ALOX12: variants seen among roughly 807,000 people sequenced by gnomAD.
ALOX12 encodes the protein polyunsaturated fatty acid lipoxygenase ALOX12.
In ALOX12, 62 loss-of-function variants were observed where a neutral mutation model predicts 85.5. The ratio of observed to expected loss-of-function variants is 0.73; its 90% CI spans 0.59 to 0.90. The LOEUF (loss-of-function observed/expected upper bound fraction) is 0.90, where lower values mean the gene tolerates loss of function less well. Among genes scored for constraint, ALOX12 ranks in the 40% least tolerant of loss-of-function variants. ALOX12 has a pLI of 0.00. For synonymous variants in ALOX12, 299 were observed against 332.7 expected (o/e 0.90, Z 1.10); for missense variants, 751 against 856.5 (o/e 0.88, Z 1.54).
At chr17:6,997,133 C>A (rs1189895832) in intron 2 of ALOX12, 106 bp downstream of exon 2, 2 of 1,431,882 alleles carry the variant, frequency 1.4e-6, no homozygotes, top group Non-Finnish European at 1.8e-6. Context: ...GATGTATGGG[C>A]CCAGGGCAGG....
rs1230557472 is a variant in ALOX12, at chr17:7,010,148, A to G, written c.1812+22A>G. Reference sequence around the variant, plus strand: ...CATGGTGAGAGGGGACTCTCGGGAGAGGGAAATGACAGTTGGAAAGGAAAC... The same window carrying G: ...CATGGTGAGAGGGGACTCTCGGGAGGGGGAAATGACAGTTGGAAAGGAAAC... On this transcript the variant is annotated intron_variant, in intron 13 of 13. Transcript: ENST00000251535. 2.5e-6 allele frequency: 4 copies of G among 1,603,368 alleles called. No individual in the cohort carries two copies. The African/African-American group carries it at 4.0e-5, about 16-fold the overall frequency.
intron 11 of ALOX12, among the ~76,000 whole-genome samples, chr17:7,008,096 C>T (rs931516399): frequency 6.6e-6 from 1 of 152,202 alleles, no homozygotes; most frequent in African/African-American, 2.4e-5. Context: ...GTATCAAACC[C>T]ATTCAGGAGG....
Position 7,006,604 on chromosome 17 carries a change from C to G in ALOX12, c.1537C>G (p.Arg513Gly), listed in dbSNP as rs775782843. Reference sequence around the variant, plus strand: ...GGTGGGGCTGTGCCAGGCCCAGGACCGAGGTAAGATCCATTCTAGAGACAG... The same window carrying G: ...GGTGGGGCTGTGCCAGGCCCAGGACGGAGGTAAGATCCATTCTAGAGACAG... Reference protein sequence around the residue: ...TEVGLCQAQDRGFPVSFQSQS... With the variant: ...TEVGLCQAQDGGFPVSFQSQS... Residue 513 changes from arginine (R) to glycine (G), a missense_variant, in exon 11 of 14, where the codon CGA becomes GGA. Physicochemically the swap from Arg to Gly is moderately radical, Grantham distance 125. Coordinates refer to ENST00000251535, the MANE Select transcript of ALOX12 (RefSeq NM_000697.3). 1.2e-6 allele frequency: 2 copies of G among 1,600,828 alleles called. No homozygotes were observed. Among genetic ancestry groups the G allele is most frequent in the Non-Finnish European group, 1.7e-6 (2 of 1,173,088 alleles).
At chr17:7,004,391 TATTA>T (rs938055215) in intron 8 of ALOX12, among the ~76,000 whole-genome samples, 1 of 141,166 alleles carries the variant, frequency 7.1e-6, no homozygotes, top group African/African-American at 2.5e-5. Flanking sequence ...TTTAATTTAA[TATTA>T]ATTAATTTAA....
At chr17:7,004,161 T>A (rs1244713707) in intron 8 of ALOX12, among the ~76,000 whole-genome samples, 1 of 115,678 alleles carries the variant, frequency 8.6e-6, no homozygotes, top group Non-Finnish European at 1.8e-5. Context: ...TAAATTTAAA[T>A]TTAAAATTTA....
At chr17:7,010,200 T>A (rs1909317458) in intron 13 of ALOX12, 44 bp from the exon 14 acceptor site, 1 of 1,601,264 alleles carries the variant, frequency 6.2e-7, no homozygotes, top group Non-Finnish European at 8.5e-7. Flanking sequence ...GGGCTCTAGG[T>A]GCGTTTGTCT....
At chr17:7,009,676 T>A (rs1459548495) in intron 11 of ALOX12, 71 bp from the exon 12 acceptor site, 11 of 1,288,598 alleles carry the variant, frequency 8.5e-6, no homozygotes, top group Non-Finnish European at 1.2e-5. Context: ...AATATGGGCA[T>A]CCCAAAACAA....
intron 12 of ALOX12, 35 bp from the exon 13 acceptor site, chr17:7,009,921 T>C: frequency 3.7e-6 from 6 of 1,613,768 alleles, no homozygotes; most frequent in Non-Finnish European, 5.1e-6. Context: ...AAACCCTAAG[T>C]ACCAGGGTTC....
intron 7 of ALOX12, chr17:7,001,360 G>T (rs949279674): frequency 3.7e-6 from 2 of 546,632 alleles, no homozygotes; most frequent in Non-Finnish European, 3.3e-6. Flanking sequence ...AAAGCAGCAG[G>T]TTTCTCCCAC....
In ALOX12 at chr17:6,998,949, C is replaced by G; in HGVS notation, c.543-4C>G. 6.2e-7 allele frequency: 1 copy of G among 1,614,096 alleles called. No individual in the cohort carries two copies. The highest frequency in any genetic ancestry group is 8.5e-7 in the Non-Finnish European group (1 of 1,179,976). ...GATGAGTTAAGCCTCAATACCTGTC[C>G]TAGGGCTCTGGAGATGGCCCTCAAA... is the stretch of plus-strand genomic sequence containing the variant. On this transcript the variant is annotated splice_polypyrimidine_tract_variant and splice_region_variant and intron_variant, in intron 4 of 13. Transcript: ENST00000251535.
intron 5 of ALOX12, 33 bp downstream of exon 5, chr17:6,999,089 T>C: frequency 6.3e-7 from 1 of 1,593,964 alleles, no homozygotes; most frequent in Non-Finnish European, 8.6e-7. Flanking sequence ...CATAATCCCT[T>C]AATGGCCCCT....
At chr17:6,996,291 CCCCGGGCCCAGG>C in intron 1 of ALOX12, 39 bp downstream of exon 1, 2 of 1,222,932 alleles carry the variant, frequency 1.6e-6, no homozygotes, top group Middle Eastern at 3.2e-4. Context: ...GCAGCGGGGA[CCCCGGGCCCAGG>C]CCCGGGCCGA....
rs1279608187 is a variant in ALOX12, at chr17:7,000,767, T to TC, written c.951+291dup. ...GCCTGTTGAAATGCAGATTTCTGGA[T>TC]CCCATGACCAGACTTTCTGATTCAG... On this transcript the variant is annotated intron_variant, in intron 7 of 13. Transcript: ENST00000251535. The surrounding 1 kb of genome is among the most constrained non-coding windows in gnomAD (Gnocchi z 4.6). 1.3e-5 allele frequency among the ~76,000 whole-genome samples: 2 copies of TC among 152,124 alleles called. No homozygotes were observed. The highest frequency in any genetic ancestry group is 4.8e-5 in the African/African-American group (2 of 41,414).
rs1376890612 is a variant in ALOX12, at chr17:7,000,508, T to C, written c.951+29T>C. On this transcript the variant is annotated intron_variant, in intron 7 of 13. Coordinates refer to ENST00000251535, the MANE Select transcript of ALOX12 (RefSeq NM_000697.3). The surrounding 1 kb of genome is among the most constrained non-coding windows in gnomAD (Gnocchi z 4.6). ...AGGGCCCCAGACCTCTCCCACAACG[T>C]TGCACTCTGTTCACCTCAACCTCTG... is the stretch of plus-strand genomic sequence containing the variant. 16 of 1,611,476 alleles carry C rather than the reference T, an allele frequency of 9.9e-6. No individual in the cohort carries two copies. The highest frequency in any genetic ancestry group is 1.3e-5 in the African/African-American group (1 of 74,942).
intron 10 of ALOX12, among the ~76,000 whole-genome samples, 191 bp downstream of exon 10, chr17:7,006,218 G>A (rs1006258937): frequency 1.3e-5 from 2 of 151,432 alleles, no homozygotes; most frequent in African/African-American, 4.9e-5. Flanking sequence ...GCAGAGAGAG[G>A]AGGTGAGGGG....
rs1454886513 is a variant in ALOX12, at chr17:7,006,686, CAGGA to C, written c.1540+80_1540+83del. 1.4e-5 allele frequency: 21 copies of C among 1,499,236 alleles called. No individual in the cohort carries two copies. The African/African-American group carries it at 2.8e-4, about 20-fold the overall frequency. The allele number at this position is 1,499,236 out of a possible 1,614,324, so 92.9% of individuals were successfully genotyped here. On this transcript the variant is annotated intron_variant, in intron 11 of 13. Transcript: ENST00000251535. ...CTTCCCAGCCCTGCCCTTCTGGGGACAGGACCCCAGCCTCTCATCACGCCTCCCT... is the reference window on the plus strand; with the variant it reads ...CTTCCCAGCCCTGCCCTTCTGGGGACCCCCAGCCTCTCATCACGCCTCCCT...
At chr17:7,007,488 G>C (rs2039326419) in intron 11 of ALOX12, among the ~76,000 whole-genome samples, 1 of 152,192 alleles carries the variant, frequency 6.6e-6, no homozygotes. Flanking sequence ...CCTGGAGGGA[G>C]CCTCTCCCTG....
In ALOX12 at chr17:7,010,314, G is replaced by A. The variant is rs141201316; in HGVS notation, c.1883G>A (p.Arg628Gln). The change falls in exon 14 of 14, where the codon CGA (arginine) becomes CAA (glutamine). Residue 628 changes from arginine to glutamine, a missense_variant. By Grantham distance (43) the Arg-to-Gln change is conservative. Coordinates refer to ENST00000251535, the MANE Select transcript of ALOX12 (RefSeq NM_000697.3). Reference protein sequence around the residue: ...PKPKAVLNQFRTDLEKLEKEI... With the variant: ...PKPKAVLNQFQTDLEKLEKEI... ...CCCAAAGCTGTGCTAAACCAATTCC[G>A]AACAGATTTGGAAAAGCTGGAAAAG... The A allele has an allele frequency of 4.9e-4, 798 of 1,614,146 alleles. No individual in the cohort carries two copies. The highest frequency in any genetic ancestry group is 6.3e-4 in the Non-Finnish European group (743 of 1,180,024).
At chr17:7,004,112 A>T (rs1272996582) in intron 8 of ALOX12, among the ~76,000 whole-genome samples, 41 of 81,402 alleles carry the variant, frequency 5.0e-4, no homozygotes, top group Non-Finnish European at 1.2e-3. Flanking sequence ...TTAAATTAAA[A>T]TTTTAATTTT....
Sources: gnomAD v4.1 joint callset for allele counts (sites outside exome capture counted in the v4.1 genomes callset) on GRCh38, gnomAD v4.1.1 for gene constraint, Gnocchi (gnomAD v3.1) non-coding constraint, MANE v1.5 for transcripts, NCBI Gene and HGNC (gene_info 2026-07-23, HGNC 2026-07-21) for gene names.